Variants in TAF1B observed in about 807,000 individuals in gnomAD.
TAF1B encodes the protein TATA-box binding protein associated factor, RNA polymerase I subunit B, also known as TATA box-binding protein-associated factor RNA polymerase I subunit B.
Under a neutral mutation model 83.9 loss-of-function variants are expected in TAF1B, and 61 were observed. The observed-to-expected ratio is 0.73, with a 90% CI of 0.59 to 0.90. TAF1B has a LOEUF of 0.90. Among genes scored for constraint, TAF1B ranks in the 40% least tolerant of loss-of-function variants. The pLI, the probability that TAF1B is intolerant of heterozygous loss-of-function variation, is 0.00. For synonymous variants in TAF1B, 221 were observed against 224.6 expected (o/e 0.98, Z 0.14); for missense variants, 625 against 677.0 (o/e 0.92, Z 0.85).
intron 2 of TAF1B, chr2:9,845,856 G>C (rs564867394): frequency 3.3e-6 from 1 of 301,648 alleles, no homozygotes; most frequent in East Asian, 9.3e-5. Context: ...GGTAGCATGC[G>C]CCTGTAGTCC....
At chr2:9,866,109 T>TAA (rs1663966080) in intron 5 of TAF1B, among the ~76,000 whole-genome samples, 1 of 149,770 alleles carries the variant, frequency 6.7e-6, no homozygotes, top group East Asian at 2.0e-4. Context: ...ACTAAAGAGC[T>TAA]TCTGCACAGC....
rs963557061 is a variant in TAF1B at position 9,883,089 on chromosome 2, C to G, written c.807+284C>G. On this transcript the variant is annotated intron_variant, in intron 8 of 14. Transcript: ENST00000263663. ...AACTTGAGAACTTTTATCTAGAGACCTTTAGGTAATTTCAATTTTTTAAAA... is the reference window on the plus strand; with the variant it reads ...AACTTGAGAACTTTTATCTAGAGACGTTTAGGTAATTTCAATTTTTTAAAA... Among the ~76,000 whole-genome samples the G allele has an allele frequency of 1.4e-4, 22 of 152,038 alleles. 1 individual carries two copies. Among genetic ancestry groups the G allele is most frequent in the African/African-American group, 5.1e-4 (21 of 41,388 alleles).
chr2:9,911,477 C>T (rs748424421), intron 10 of TAF1B, 34 bp from the exon 11 acceptor site: 35 of 1,455,098 alleles, frequency 2.4e-5, no homozygotes, highest in Non-Finnish European at 3.3e-5. Context: ...TACATGACTT[C>T]TAAATAAATT....
chr2:9,926,021 A>G (rs562858860), intron 14 of TAF1B, among the ~76,000 whole-genome samples: 1 of 152,234 alleles, frequency 6.6e-6, no homozygotes, highest in South Asian at 2.1e-4. Context: ...AATTTCTGGT[A>G]TACTCAGAAG....
chr2:9,918,565 A>G (rs1360043879), intron 12 of TAF1B, among the ~76,000 whole-genome samples: 5 of 152,090 alleles, frequency 3.3e-5, no homozygotes, highest in African/African-American at 1.2e-4. Context: ...TCTCCTTTAC[A>G]CCAGGAATAG....
At chr2:9,903,215 A>G (rs1310562042) in intron 8 of TAF1B, among the ~76,000 whole-genome samples, 1 of 152,006 alleles carries the variant, frequency 6.6e-6, no homozygotes, top group African/African-American at 2.4e-5. Context: ...CCTCCCAAGT[A>G]GCTGGGACTA....
intron 8 of TAF1B, among the ~76,000 whole-genome samples, chr2:9,903,079 A>C (rs1214911170): frequency 6.6e-6 from 1 of 151,874 alleles, no homozygotes; most frequent in Non-Finnish European, 1.5e-5. Context: ...CTCTAAACTA[A>C]ATTTTATTTT....
intron 2 of TAF1B, among the ~76,000 whole-genome samples, chr2:9,848,252 G>A (rs146438231): frequency 3.7e-4 from 56 of 152,268 alleles, no homozygotes; most frequent in African/African-American, 1.3e-3. Flanking sequence ...CCTGTTGGTA[G>A]AGACATTTCT....
intron 8 of TAF1B, among the ~76,000 whole-genome samples, chr2:9,903,574 C>T (rs1411162368): frequency 1.3e-5 from 2 of 152,194 alleles, no homozygotes; most frequent in African/African-American, 4.8e-5. Context: ...GTAAGAGAAT[C>T]TTATATATTT....
intron 8 of TAF1B, among the ~76,000 whole-genome samples, chr2:9,889,002 A>T (rs1572253498): frequency 6.6e-6 from 1 of 151,300 alleles, no homozygotes; most frequent in East Asian, 2.0e-4. Flanking sequence ...GGGTTTCACC[A>T]TGTGGGCCAG....
intron 6 of TAF1B, among the ~76,000 whole-genome samples, chr2:9,872,103 G>A (rs1438771545): frequency 6.6e-6 from 1 of 152,048 alleles, no homozygotes; most frequent in Admixed American, 6.6e-5. Flanking sequence ...CGACGCAGGC[G>A]GATCACGAGG....
At chr2:9,861,395 G>A (rs1572222543) in intron 5 of TAF1B, among the ~76,000 whole-genome samples, 1 of 152,242 alleles carries the variant, frequency 6.6e-6, no homozygotes, top group Admixed American at 6.5e-5. Context: ...CAGCGAGGCT[G>A]GGGAGGGGCG....
rs150610233 is a variant in TAF1B, at chr2:9,881,626, A to G, written c.708-1080A>G. Among the ~76,000 whole-genome samples, 36 of 152,280 alleles carry G rather than the reference A, an allele frequency of 2.4e-4. 1 individual carries two copies. In the East Asian group the frequency reaches 6.8e-3, roughly 29 times the overall value. Reference sequence around the variant, plus strand: ...TGTTTTGTATCTTTCTTTTCTCACTAGAATGTAAACTCCATAGGAACAAGA... The same window carrying G: ...TGTTTTGTATCTTTCTTTTCTCACTGGAATGTAAACTCCATAGGAACAAGA... On this transcript the variant is annotated intron_variant, in intron 7 of 14. Coordinates refer to ENST00000263663, the MANE Select transcript of TAF1B (RefSeq NM_005680.3).
chr2:9,920,526 C>T (rs1213194662), intron 14 of TAF1B, among the ~76,000 whole-genome samples: 1 of 143,944 alleles, frequency 6.9e-6, no homozygotes, highest in African/African-American at 2.6e-5. Flanking sequence ...AAAACAAGTG[C>T]CGTGTCCTCC....
At chr2:9,849,329 A>C in intron 2 of TAF1B, 44 bp from the exon 3 acceptor site, 1 of 1,420,894 alleles carries the variant, frequency 7.0e-7, no homozygotes, top group South Asian at 1.3e-5. Context: ...GCTTAGGGGG[A>C]TGTAAAACGA....
chr2:9,873,008 T>G (rs1248409763), intron 6 of TAF1B, among the ~76,000 whole-genome samples: 1 of 152,266 alleles, frequency 6.6e-6, no homozygotes, highest in Non-Finnish European at 1.5e-5. Flanking sequence ...CTTCTATTCC[T>G]GGCATTTAGG....
intron 4 of TAF1B, 127 bp downstream of exon 4, chr2:9,851,765 T>G: frequency 1.3e-6 from 1 of 779,864 alleles, no homozygotes; most frequent in Admixed American, 2.7e-5. Context: ...TTTTCTGATG[T>G]TTTTGCTTTA....
intron 6 of TAF1B, among the ~76,000 whole-genome samples, chr2:9,870,970 C>G (rs543623095): frequency 6.6e-6 from 1 of 152,162 alleles, no homozygotes; most frequent in South Asian, 2.1e-4. Context: ...CTTATGCATT[C>G]TATCAGTTTC....
At chr2:9,885,293 A>G (rs416228) in intron 8 of TAF1B, among the ~76,000 whole-genome samples, 42,422 of 152,156 alleles carry the variant, frequency 0.28, 6,901 homozygotes, top group Middle Eastern at 0.4. Context: ...TATCATGCAG[A>G]GGTTTAGCAG....
Sources: gnomAD v4.1 joint callset for allele counts (sites outside exome capture counted in the v4.1 genomes callset) on GRCh38, gnomAD v4.1.1 for gene constraint, MANE v1.5 for transcripts, NCBI Gene and HGNC (gene_info 2026-07-23, HGNC 2026-07-21) for gene names.